The following CENPK variants were observed in gnomAD, a reference collection of about 807,000 sequenced individuals.
CENPK encodes the protein centromere protein K.
A neutral mutation model predicts 40.9 loss-of-function variants in CENPK; 46 were observed. The ratio of observed to expected loss-of-function variants is 1.13; its 90% CI spans 0.89 to 1.44. The LOEUF is 1.44. Among genes scored for constraint, CENPK ranks in the 40% most tolerant of loss-of-function variants. The pLI is 0.00. For missense variants in CENPK, 288 were observed against 303.5 expected (o/e 0.95, Z 0.38); for synonymous variants, 107 against 104.4 (o/e 1.02, Z -0.15).
At chr5:65,532,007 G>T (rs1476190130) in intron 6 of CENPK, among the ~76,000 whole-genome samples, 3 of 152,134 alleles carry the variant, frequency 2.0e-5, no homozygotes, top group African/African-American at 7.2e-5. Flanking sequence ...AATAAAATTA[G>T]ATTAATTATG....
rs930966274 is a variant in CENPK at position 65,561,389 on chromosome 5, A to G, written c.-40+74T>C. The stretch of plus-strand genomic sequence containing the variant: ...GAGGGTGAGGGATAAATATTCAACA[A>G]ATTATCTGGCTTGGCGATTTAATGT... On this transcript the variant is annotated intron_variant, in intron 2 of 10. Coordinates refer to ENST00000396679, the MANE Select transcript of CENPK (RefSeq NM_022145.5). 4.8e-5 allele frequency: 17 copies of G among 356,562 alleles called. No individual in the cohort carries two copies. In the Admixed American group the frequency reaches 5.0e-4, roughly 10 times the overall value. 22.1% of individuals were successfully genotyped at this position (356,562 alleles called of 1,614,324 possible). A position where few individuals can be genotyped will look rare whatever the true frequency, so the allele number is the denominator to read the frequency against.
chr5:65,505,979 T>G, the CENPK span, among the ~76,000 whole-genome samples: 1 of 152,250 alleles, frequency 6.6e-6, no homozygotes, highest in Non-Finnish European at 1.5e-5. Context: ...GTTATCCTAC[T>G]TGCAGAAATT....
chr5:65,536,213 GGTTGCTAAGA>G (rs1746870392), intron 6 of CENPK, among the ~76,000 whole-genome samples: 2 of 152,234 alleles, frequency 1.3e-5, no homozygotes, highest in South Asian at 4.1e-4. Context: ...GCTAGTTTGG[GGTTGCTAAGA>G]GTTGCTATGA....
At position 65,518,616 on chromosome 5, in the gene CENPK, TAATC is replaced by T. The variant is rs1240110785; in HGVS notation, c.665_668del (p.Arg222AsnfsTer31). On this transcript the variant is annotated frameshift_variant, in exon 11 of 11. Coordinates refer to ENST00000396679, the MANE Select transcript of CENPK (RefSeq NM_022145.5). LOFTEE classifies it high-confidence loss of function. ...CATATGGATCATGTGGAACATCAAATAATCTATTTATAAGAATCTAGGAGAAAAT... is the reference window on the plus strand; with the variant it reads ...CATATGGATCATGTGGAACATCAAATTATTTATAAGAATCTAGGAGAAAAT... 2 of 1,585,438 alleles carry T rather than the reference TAATC, an allele frequency of 1.3e-6. No individual in the cohort carries two copies. Among genetic ancestry groups the T allele is most frequent in the Admixed American group, 3.5e-5 (2 of 57,592 alleles).
chr5:65,540,384 G>T (rs1026887708), intron 6 of CENPK, among the ~76,000 whole-genome samples: 4 of 152,154 alleles, frequency 2.6e-5, no homozygotes, highest in Non-Finnish European at 4.4e-5. Context: ...ACTCCACTGT[G>T]CAATAACATT....
the CENPK span, among the ~76,000 whole-genome samples, chr5:65,504,054 C>G: frequency 1.3e-5 from 2 of 152,008 alleles, no homozygotes; most frequent in Non-Finnish European, 2.9e-5. Flanking sequence ...TGCTTGCGAT[C>G]ATTATACTAA....
intron 9 of CENPK, among the ~76,000 whole-genome samples, chr5:65,521,733 T>C (rs1234729058): frequency 6.6e-6 from 1 of 152,150 alleles, no homozygotes; most frequent in Non-Finnish European, 1.5e-5. Flanking sequence ...CCCGAGTAGC[T>C]GTGATTACAG....
At chr5:65,537,509 C>T in intron 6 of CENPK, among the ~76,000 whole-genome samples, 1 of 152,022 alleles carries the variant, frequency 6.6e-6, no homozygotes, top group East Asian at 1.9e-4. Context: ...TTTCGCCGTG[C>T]TAGCCAGGAT....
the CENPK span, among the ~76,000 whole-genome samples, chr5:65,503,714 G>A: frequency 6.6e-6 from 1 of 150,528 alleles, no homozygotes; most frequent in Non-Finnish European, 1.5e-5. Flanking sequence ...CTGGAGTGCA[G>A]TGGCTTGATC....
chr5:65,516,475 G>T (rs1031047258), downstream of CENPK, among the ~76,000 whole-genome samples: 5 of 152,026 alleles, frequency 3.3e-5, no homozygotes, highest in African/African-American at 7.2e-5. Flanking sequence ...TCTGATTATT[G>T]CAAAACAAGA....
At chr5:65,501,497 T>C in the CENPK span, among the ~76,000 whole-genome samples, 1 of 152,034 alleles carries the variant, frequency 6.6e-6, no homozygotes, top group African/African-American at 2.4e-5. Context: ...TATCTTGATG[T>C]TGCTGTATGT....
At chr5:65,507,550 A>G in the CENPK span, among the ~76,000 whole-genome samples, 2 of 152,150 alleles carry the variant, frequency 1.3e-5, no homozygotes, top group Non-Finnish European at 2.9e-5. Context: ...TGTCACTTTT[A>G]TTCTCTTACT....
intron 9 of CENPK, among the ~76,000 whole-genome samples, chr5:65,525,706 A>AG (rs546679579): frequency 6.6e-6 from 1 of 152,326 alleles, no homozygotes; most frequent in South Asian, 2.1e-4. Context: ...TAAAGGATAA[A>AG]CGAGGTCATA....
the CENPK span, among the ~76,000 whole-genome samples, chr5:65,507,393 G>A: frequency 7.2e-5 from 11 of 152,124 alleles, no homozygotes; most frequent in Non-Finnish European, 1.0e-4. Context: ...AGAGAAGAGT[G>A]GATTACCCAA....
chr5:65,500,636 G>T, the CENPK span, among the ~76,000 whole-genome samples: 1 of 151,894 alleles, frequency 6.6e-6, no homozygotes, highest in South Asian at 2.1e-4. Context: ...TCAGATTAAG[G>T]AATATCTATT....
chr5:65,518,775 T>C (rs905893008), intron 10 of CENPK, 142 bp from the exon 11 acceptor site: 3 of 571,034 alleles, frequency 5.3e-6, no homozygotes, highest in Non-Finnish European at 6.0e-6. Flanking sequence ...TTGAATTTCC[T>C]TTTTGAAAGG....
intron 5 of CENPK, among the ~76,000 whole-genome samples, chr5:65,545,320 G>GCA (rs1748690071): frequency 2.9e-5 from 1 of 34,584 alleles, no homozygotes; most frequent in Non-Finnish European, 4.9e-5. Flanking sequence ...AGTCCTCAAA[G>GCA]CGCGCACACA....
At chr5:65,554,205 T>C (rs917733918) in intron 3 of CENPK, among the ~76,000 whole-genome samples, 20 of 151,688 alleles carry the variant, frequency 1.3e-4, no homozygotes, top group African/African-American at 4.8e-4. Context: ...GCAGTGGCAC[T>C]ATCTCGGCTC....
the CENPK span, among the ~76,000 whole-genome samples, chr5:65,506,703 T>C: frequency 7.2e-5 from 11 of 151,954 alleles, no homozygotes; most frequent in African/African-American, 2.7e-4. Context: ...GAGAATCTCT[T>C]GAATCCGATA....
Sources: allele counts gnomAD v4.1 joint callset (sites outside exome capture counted in the v4.1 genomes callset), GRCh38; gene constraint gnomAD v4.1.1; transcripts MANE v1.5; gene names NCBI Gene and HGNC (gene_info 2026-07-23, HGNC 2026-07-21).